Variants in GRIN2A observed in about 807,000 individuals in gnomAD.
GRIN2A encodes the protein glutamate ionotropic receptor NMDA type subunit 2A.
GRIN2A carries 22 observed loss-of-function variants against 113.4 expected under a neutral mutation model. That is an observed-to-expected ratio of 0.19 (90% CI 0.14 to 0.28). The LOEUF (loss-of-function observed/expected upper bound fraction) is 0.28, where lower values mean the gene tolerates loss of function less well. Among genes scored for constraint, GRIN2A ranks in the 10% least tolerant of loss-of-function variants. The pLI, the probability that GRIN2A is intolerant of heterozygous loss-of-function variation, is 1.00. For synonymous variants in GRIN2A, 827 were observed against 738.4 expected (o/e 1.12, Z -1.94); for missense variants, 1,502 against 1,887.0 (o/e 0.80, Z 3.78).
intron 2 of GRIN2A, among the ~76,000 whole-genome samples, chr16:9,951,933 T>C (rs1426372406): frequency 6.6e-6 from 1 of 152,060 alleles, no homozygotes; most frequent in Admixed American, 6.6e-5. Context: ...AGGCACTCCT[T>C]CCTCAGGGCT....
chr16:10,120,472 C>G (rs1292131368), intron 2 of GRIN2A, among the ~76,000 whole-genome samples: 1 of 152,192 alleles, frequency 6.6e-6, no homozygotes. Context: ...ACCTACTGGG[C>G]TTTAAAGCCA....
chr16:9,795,330 C>T (rs1005623012), intron 11 of GRIN2A, among the ~76,000 whole-genome samples: 16 of 152,218 alleles, frequency 1.1e-4, no homozygotes, highest in African/African-American at 3.1e-4. Context: ...CTCCCACCAG[C>T]GCCATGACAG....
At chr16:9,949,809 T>A (rs2045131968) in intron 2 of GRIN2A, among the ~76,000 whole-genome samples, 1 of 151,490 alleles carries the variant, frequency 6.6e-6, no homozygotes, top group African/African-American at 2.4e-5. Context: ...GTGACATGAG[T>A]TGTGGGTATA....
At position 9,759,075 on chromosome 16, in the gene GRIN2A, C is replaced by T. The variant is rs374502936; in HGVS notation, c.*4074G>A. On this transcript the variant is annotated 3_prime_UTR_variant, in exon 13 of 13. Transcript: ENST00000330684. ...CCCCTTTTCAAGGATTCATGCACAA[C>T]AGCTATGCACAAAGAAACAGTACAG... 4 of 218,792 alleles carry T rather than the reference C, an allele frequency of 1.8e-5. No homozygotes were observed. The highest frequency in any genetic ancestry group is 9.0e-5 in the African/African-American group (4 of 44,586). The allele number at this position is 218,792 out of a possible 1,614,324, so 13.6% of individuals were successfully genotyped here. A position where few individuals can be genotyped will look rare whatever the true frequency, so the allele number is the denominator to read the frequency against.
chr16:9,779,621 A>T (rs1901822341), intron 11 of GRIN2A, among the ~76,000 whole-genome samples: 2 of 152,206 alleles, frequency 1.3e-5, no homozygotes. Context: ...ACCCTATATC[A>T]GCTGTCAGAA....
intron 2 of GRIN2A, among the ~76,000 whole-genome samples, chr16:9,949,036 G>A (rs1397741848): frequency 6.6e-6 from 1 of 152,182 alleles, no homozygotes; most frequent in Non-Finnish European, 1.5e-5. Context: ...GAACTGAAAG[G>A]TAGGGGACTA....
At position 9,844,934 on chromosome 16, in the gene GRIN2A, C is replaced by T. The variant is rs550189922; in HGVS notation, c.1329-3830G>A. On this transcript the variant is annotated intron_variant, in intron 5 of 12. Coordinates refer to ENST00000330684, the MANE Select transcript of GRIN2A (RefSeq NM_001134407.3). ...GTTACCTGGTATTCTTAGAAGATCCCACCACTTGCCAGAAGTGAGAAACAA... is the reference window on the plus strand; with the variant it reads ...GTTACCTGGTATTCTTAGAAGATCCTACCACTTGCCAGAAGTGAGAAACAA... Among the ~76,000 whole-genome samples, 22 of 152,226 alleles carry T rather than the reference C, an allele frequency of 1.4e-4. No homozygotes were observed. In the South Asian group the frequency reaches 3.9e-3, roughly 27 times the overall value.
chr16:9,948,768 C>A (rs568375259), intron 2 of GRIN2A, among the ~76,000 whole-genome samples: 1 of 152,150 alleles, frequency 6.6e-6, no homozygotes, highest in African/African-American at 2.4e-5. Flanking sequence ...CATCCAGGAA[C>A]GAGAAGAGCA....
chr16:10,125,243 G>C (rs760497873), intron 2 of GRIN2A, among the ~76,000 whole-genome samples: 3 of 152,158 alleles, frequency 2.0e-5, no homozygotes, highest in Admixed American at 6.5e-5. Flanking sequence ...TCTTACTAGA[G>C]ATTCAAGGTC....
intron 2 of GRIN2A, among the ~76,000 whole-genome samples, chr16:9,982,547 C>T (rs1167664658): frequency 6.6e-6 from 1 of 152,184 alleles, no homozygotes; most frequent in Non-Finnish European, 1.5e-5. Context: ...ATGCTTCTTC[C>T]CCCATGTATG....
At chr16:9,954,899 A>T (rs556512175) in intron 2 of GRIN2A, among the ~76,000 whole-genome samples, 1 of 152,098 alleles carries the variant, frequency 6.6e-6, no homozygotes, top group Non-Finnish European at 1.5e-5. Flanking sequence ...TATGTTCATT[A>T]TGTTGAGTGG....
At chr16:9,866,251 A>C (rs935819300) in intron 4 of GRIN2A, among the ~76,000 whole-genome samples, 1 of 152,212 alleles carries the variant, frequency 6.6e-6, no homozygotes, top group Non-Finnish European at 1.5e-5. Context: ...GGCAGATCTG[A>C]TGAGGGAAGG....
chr16:9,804,832 C>T (rs537795301), intron 10 of GRIN2A, among the ~76,000 whole-genome samples: 46 of 152,226 alleles, frequency 3.0e-4, no homozygotes, highest in African/African-American at 8.2e-4. Flanking sequence ...TCTCCATCAC[C>T]GGCAGTCCTC....
chr16:9,870,329 C>G (rs2043236118), intron 4 of GRIN2A, among the ~76,000 whole-genome samples: 1 of 151,880 alleles, frequency 6.6e-6, no homozygotes, highest in South Asian at 2.1e-4. Flanking sequence ...CATACACTTG[C>G]TAGTGTTCAC....
intron 2 of GRIN2A, among the ~76,000 whole-genome samples, chr16:10,102,682 G>A (rs978020560): frequency 2.0e-5 from 3 of 152,088 alleles, no homozygotes; most frequent in East Asian, 1.9e-4. Context: ...AAGTAGCTGG[G>A]ATTACAGGCA....
chr16:10,109,014 T>TAAAAA (rs56946708), intron 2 of GRIN2A, among the ~76,000 whole-genome samples: 23 of 114,132 alleles, frequency 2.0e-4, no homozygotes, highest in African/African-American at 7.5e-4. Flanking sequence ...TGATTCTCTT[T>TAAAAA]AAAAAAAAAA....
intron 2 of GRIN2A, among the ~76,000 whole-genome samples, chr16:10,041,094 C>T (rs1254888940): frequency 6.6e-6 from 1 of 152,208 alleles, no homozygotes; most frequent in African/African-American, 2.4e-5. Flanking sequence ...TAATCAGCAG[C>T]AATTAATGTC....
intron 4 of GRIN2A, among the ~76,000 whole-genome samples, chr16:9,852,373 C>G (rs953664661): frequency 2.0e-5 from 3 of 152,172 alleles, no homozygotes; most frequent in Non-Finnish European, 4.4e-5. Flanking sequence ...TAAATTAAGG[C>G]AAAGACTAGC....
At chr16:9,964,162 T>C (rs1050773062) in intron 2 of GRIN2A, among the ~76,000 whole-genome samples, 3 of 152,218 alleles carry the variant, frequency 2.0e-5, no homozygotes, top group South Asian at 2.1e-4. Context: ...CTTGAAGGCA[T>C]GTGTGCAAAG....
Sources: allele counts gnomAD v4.1 joint callset (sites outside exome capture counted in the v4.1 genomes callset), GRCh38; gene constraint gnomAD v4.1.1; transcripts MANE v1.5; gene names NCBI Gene and HGNC (gene_info 2026-07-23, HGNC 2026-07-21).